TMEM132B: variants seen among roughly 807,000 people sequenced by gnomAD.
TMEM132B encodes the protein transmembrane protein 132B.
Under a neutral mutation model 90.8 loss-of-function variants are expected in TMEM132B, and 18 were observed. The observed-to-expected ratio is 0.20, with a 90% CI of 0.14 to 0.29. The LOEUF (loss-of-function observed/expected upper bound fraction) is 0.29, where lower values mean the gene tolerates loss of function less well. Among genes scored for constraint, TMEM132B ranks in the 10% least tolerant of loss-of-function variants. The pLI is 1.00. For missense variants in TMEM132B, 1,096 were observed against 1,326.8 expected (o/e 0.83, Z 2.70); for synonymous variants, 504 against 523.3 (o/e 0.96, Z 0.50).
intron 1 of TMEM132B, among the ~76,000 whole-genome samples, chr12:125,290,868 G>A (rs1279207625): frequency 1.3e-5 from 2 of 152,198 alleles, no homozygotes; most frequent in Non-Finnish European, 2.9e-5. Context: ...CAGAATTGAA[G>A]GTACACATGC....
intron 2 of TMEM132B, among the ~76,000 whole-genome samples, chr12:125,387,421 G>A (rs1878872148): frequency 1.3e-5 from 2 of 152,182 alleles, no homozygotes; most frequent in African/African-American, 4.8e-5. Context: ...TGCCCTTGCA[G>A]GAAGGTGAAT....
intron 5 of TMEM132B, among the ~76,000 whole-genome samples, chr12:125,598,464 A>C (rs1440751645): frequency 1.3e-5 from 2 of 152,176 alleles, no homozygotes; most frequent in African/African-American, 4.8e-5. Context: ...TTCAGTGTAA[A>C]TCAATATGCC....
chr12:125,375,232 CA>C (rs1421827319), intron 2 of TMEM132B, among the ~76,000 whole-genome samples: 4 of 152,206 alleles, frequency 2.6e-5, no homozygotes, highest in African/African-American at 4.8e-5. Flanking sequence ...ATCTCAGACT[CA>C]GAATCTAACC....
intron 4 of TMEM132B, among the ~76,000 whole-genome samples, chr12:125,554,146 G>A (rs903742699): frequency 5.9e-5 from 9 of 152,036 alleles, no homozygotes; most frequent in South Asian, 4.2e-4. Flanking sequence ...ACAGTAGGCC[G>A]GGCGCGGTGG....
At position 125,241,670 on chromosome 12, in the gene TMEM132B, G is replaced by A. The variant is rs560512357; in HGVS notation, c.67+54804G>A. On this transcript the variant is annotated intron_variant, in intron 1 of 8. Coordinates refer to ENST00000682704, the MANE Select transcript of TMEM132B (RefSeq NM_001366854.1). The stretch of plus-strand genomic sequence containing the variant: ...CCTTCAGAGGAAGCGTGGTTCTGCT[G>A]GCACCTTGGTTTTGGACTTCTGGTC... Among the ~76,000 whole-genome samples, 4 of 152,304 alleles carry A rather than the reference G, an allele frequency of 2.6e-5. No homozygotes were observed. The South Asian group carries it at 6.2e-4, about 24-fold the overall frequency.
At chr12:125,343,506 G>A (rs1877260143) in intron 1 of TMEM132B, among the ~76,000 whole-genome samples, 1 of 152,172 alleles carries the variant, frequency 6.6e-6, no homozygotes, top group South Asian at 2.1e-4. Flanking sequence ...TGGCCTCATT[G>A]TAGAACTGCC....
In TMEM132B at chr12:125,379,488, C is replaced by A. The variant is rs544505413; in HGVS notation, c.959+29145C>A. 1.5e-4 allele frequency among the ~76,000 whole-genome samples: 23 copies of A among 152,278 alleles called. No homozygotes were observed. The South Asian group carries it at 3.9e-3, about 26-fold the overall frequency. ...GATTCCAGGACAAACAAACAGAAAA[C>A]CCCCCAAAATAAAGACAAAAAATGG... On this transcript the variant is annotated intron_variant, in intron 2 of 8. Transcript: ENST00000682704.
chr12:125,545,134 A>G (rs969322931), intron 4 of TMEM132B, among the ~76,000 whole-genome samples: 3 of 152,202 alleles, frequency 2.0e-5, no homozygotes, highest in African/African-American at 7.2e-5. Flanking sequence ...GTGGAAATCA[A>G]GTGACCCCAG....
At chr12:125,571,544 A>T (rs1046466712) in intron 4 of TMEM132B, among the ~76,000 whole-genome samples, 1 of 152,184 alleles carries the variant, frequency 6.6e-6, no homozygotes, top group Non-Finnish European at 1.5e-5. Context: ...AGTTGTCACT[A>T]ATTATGTTTG....
At chr12:125,508,026 G>C (rs1178174605) in intron 3 of TMEM132B, among the ~76,000 whole-genome samples, 1 of 152,184 alleles carries the variant, frequency 6.6e-6, no homozygotes, top group Non-Finnish European at 1.5e-5. Context: ...GGTAGAACCA[G>C]CAGGCTTCCT....
chr12:125,431,300 A>G (rs74773423), intron 3 of TMEM132B, among the ~76,000 whole-genome samples: 3,465 of 152,038 alleles, frequency 0.023, 122 homozygotes, highest in African/African-American at 0.077. Context: ...TTGCCTTGGT[A>G]ATGGGGGGTC....
intron 2 of TMEM132B, among the ~76,000 whole-genome samples, chr12:125,391,810 G>A (rs1879030279): frequency 6.6e-6 from 1 of 152,170 alleles, no homozygotes; most frequent in African/African-American, 2.4e-5. Flanking sequence ...TGTTGCCCAG[G>A]CTGGAGTGCA....
chr12:125,465,364 T>C (rs1881536220), intron 3 of TMEM132B, among the ~76,000 whole-genome samples: 1 of 152,208 alleles, frequency 6.6e-6, no homozygotes, highest in African/African-American at 2.4e-5. Context: ...ATTGATGAGA[T>C]TGATAAGGAG....
chr12:125,204,032 G>A (rs950527910), intron 1 of TMEM132B, among the ~76,000 whole-genome samples: 5 of 152,252 alleles, frequency 3.3e-5, no homozygotes, highest in Non-Finnish European at 5.9e-5. Flanking sequence ...GAGATGGAGC[G>A]GTTAGGTCAG....
chr12:125,640,073 C>T (rs1383139935), intron 5 of TMEM132B, among the ~76,000 whole-genome samples: 6 of 152,158 alleles, frequency 3.9e-5, no homozygotes, highest in Admixed American at 2.0e-4. Context: ...CAGTTCCTGT[C>T]GTCAGTTCCC....
intron 1 of TMEM132B, among the ~76,000 whole-genome samples, chr12:125,253,920 G>A (rs1874371931): frequency 6.6e-6 from 1 of 152,202 alleles, no homozygotes; most frequent in South Asian, 2.1e-4. Flanking sequence ...ACAATGTTGT[G>A]TTTGTCTTTG....
chr12:125,517,359 T>TGA (rs1883191751), intron 3 of TMEM132B, among the ~76,000 whole-genome samples: 1 of 89,528 alleles, frequency 1.1e-5, no homozygotes, highest in Admixed American at 1.2e-4. Flanking sequence ...TTTTTTTTTT[T>TGA]TTTTTTGCAT....
intron 3 of TMEM132B, among the ~76,000 whole-genome samples, chr12:125,423,575 T>G (rs376309): frequency 1.8e-4 from 28 of 152,212 alleles, no homozygotes; most frequent in East Asian, 1.2e-3. Context: ...CAGTGGGAAG[T>G]GCTTTGAATT....
intron 3 of TMEM132B, among the ~76,000 whole-genome samples, chr12:125,505,191 A>C (rs1023500653): frequency 6.7e-6 from 1 of 148,902 alleles, no homozygotes; most frequent in East Asian, 1.9e-4. Context: ...AAAAAAAAAA[A>C]AAAACAGTAA....
Sources: allele counts gnomAD v4.1 joint callset (sites outside exome capture counted in the v4.1 genomes callset), GRCh38; gene constraint gnomAD v4.1.1; transcripts MANE v1.5; gene names NCBI Gene and HGNC (gene_info 2026-07-23, HGNC 2026-07-21).